The following KPNA7 variants were observed in gnomAD, a reference collection of about 807,000 sequenced individuals.
The protein encoded by KPNA7 is importin subunit alpha-8.
In KPNA7, 54 loss-of-function variants were observed where a neutral mutation model predicts 53.7. That is an observed-to-expected ratio of 1.01 (90% confidence interval 0.81 to 1.26). The LOEUF is 1.26. Ranked by LOEUF, KPNA7 falls within the 50% of genes most tolerant of loss-of-function variation. KPNA7 has a pLI of 0.00. For missense variants in KPNA7, 640 were observed against 644.5 expected (o/e 0.99, Z 0.07); for synonymous variants, 276 against 259.3 (o/e 1.06, Z -0.62).
the KPNA7 span, among the ~76,000 whole-genome samples, chr7:99,153,993 A>G: frequency 5.1e-4 from 77 of 152,184 alleles, no homozygotes; most frequent in East Asian, 0.014. Flanking sequence ...CATAATTTTT[A>G]ATAATTGTTA....
chr7:99,185,345 T>A (rs997726629), intron 7 of KPNA7, among the ~76,000 whole-genome samples, 183 bp from the exon 8 acceptor site: 6 of 152,146 alleles, frequency 3.9e-5, no homozygotes, highest in Non-Finnish European at 5.9e-5. Context: ...TTAATTTATT[T>A]TTTATTTATT....
intron 8 of KPNA7, 60 bp from the exon 9 acceptor site, chr7:99,182,125 C>G (rs1454338621): frequency 7.7e-7 from 1 of 1,293,030 alleles, no homozygotes; most frequent in East Asian, 2.6e-5. Context: ...TAGAGGACAC[C>G]AACTTGGTTC....
At chr7:99,176,312 AG>A (rs66557513) in intron 10 of KPNA7, among the ~76,000 whole-genome samples, 13,064 of 117,566 alleles carry the variant, frequency 0.11, 940 homozygotes, top group African/African-American at 0.23. Context: ...AAAAAAAAAA[AG>A]AAAGAAAGAA....
chr7:99,169,593 G>A (rs573359558), downstream of KPNA7, among the ~76,000 whole-genome samples: 1 of 152,016 alleles, frequency 6.6e-6, no homozygotes, highest in Non-Finnish European at 1.5e-5. Context: ...CTCCAGCCTG[G>A]GCGACAGAGC....
intron 4 of KPNA7, 95 bp from the exon 5 acceptor site, chr7:99,195,433 A>C: frequency 8.4e-7 from 1 of 1,197,504 alleles, no homozygotes; most frequent in Non-Finnish European, 1.2e-6. Flanking sequence ...TCACACCTGT[A>C]ATCTCAGCAC....
the KPNA7 span, among the ~76,000 whole-genome samples, chr7:99,147,425 C>T: frequency 6.6e-6 from 1 of 152,218 alleles, no homozygotes; most frequent in African/African-American, 2.4e-5. Context: ...TGGCATTTTC[C>T]AGCACCATTT....
chr7:99,185,110 G>A lies in KPNA7; in HGVS notation c.953C>T (p.Thr318Met), dbSNP rs879141354. 19 of 1,551,924 alleles carry A rather than the reference G, an allele frequency of 1.2e-5. No homozygotes were observed. The highest frequency in any genetic ancestry group is 9.8e-5 in the East Asian group (4 of 40,926). Residue 318 changes from threonine (T) to methionine (M), a missense_variant, in exon 8 of 11, where the codon ACG (threonine) becomes ATG (methionine). Coordinates refer to ENST00000327442, the MANE Select transcript of KPNA7 (RefSeq NM_001145715.3). ...GNIVTGTDEQ[T>M]QMAIDAGMLN... ...CATACCCGCATCAATGGCCATCTGC[G>A]TCTGCTCATCTGTGCCCGTGACAAT...
At chr7:99,180,698 T>TGTCTGTGTCTCTCTCTCTCTCC (rs1409151470) in intron 9 of KPNA7, among the ~76,000 whole-genome samples, 1 of 89,734 alleles carries the variant, frequency 1.1e-5, no homozygotes. Context: ...TCTGTGTCTC[T>TGTCTGTGTCTCTCTCTCTCTCC]GTCTGTGTCT....
chr7:99,193,688 G>A (rs1215269171), intron 5 of KPNA7, among the ~76,000 whole-genome samples: 6 of 151,230 alleles, frequency 4.0e-5, no homozygotes, highest in East Asian at 1.9e-4. Flanking sequence ...TTTTTGGCGG[G>A]GGAGGGGGAT....
the KPNA7 span, among the ~76,000 whole-genome samples, chr7:99,164,840 G>A: frequency 6.6e-6 from 1 of 152,200 alleles, no homozygotes; most frequent in Non-Finnish European, 1.5e-5. Context: ...GCTCACGCCT[G>A]TAATCCCAGC....
At position 99,187,365 on chromosome 7, in the gene KPNA7, T is replaced by C. The variant is rs999789651; in HGVS notation, c.900+935A>G. 2.6e-5 allele frequency among the ~76,000 whole-genome samples: 4 copies of C among 151,872 alleles called. 1 individual carries two copies. The highest frequency in any genetic ancestry group is 5.9e-5 in the Non-Finnish European group (4 of 68,002). On this transcript the variant is annotated intron_variant, in intron 7 of 10. Transcript: ENST00000327442. ...CTTTCTGCCTATATCTGAGCTAGTC[T>C]AAGAGAACAAACTGGGGAGAGGATA...
chr7:99,177,252 GGGTA>G (rs1798938872), intron 10 of KPNA7, among the ~76,000 whole-genome samples: 1 of 152,150 alleles, frequency 6.6e-6, no homozygotes, highest in Non-Finnish European at 1.5e-5. Flanking sequence ...TGTAGTTAAC[GGGTA>G]GGGAGTTTCA....
At chr7:99,172,214 T>A (rs965632931), downstream of KPNA7, among the ~76,000 whole-genome samples, 2 of 152,212 alleles carry the variant, frequency 1.3e-5, no homozygotes, top group South Asian at 4.1e-4. Context: ...CGTCTTTAGA[T>A]GTAGCATGAG....
intron 1 of KPNA7, among the ~76,000 whole-genome samples, chr7:99,214,381 T>C (rs184969442): frequency 1.3e-5 from 2 of 150,678 alleles, no homozygotes; most frequent in African/African-American, 4.9e-5. Context: ...AGGCAGAGGT[T>C]ACAGTGAGCT....
chr7:99,206,857 G>C (rs113061020), intron 2 of KPNA7, among the ~76,000 whole-genome samples: 1 of 152,176 alleles, frequency 6.6e-6, no homozygotes, highest in Non-Finnish European at 1.5e-5. Flanking sequence ...TGATTCCACA[G>C]TTGTCTGGCT....
At chr7:99,213,055 T>C (rs1395971293), upstream of KPNA7, among the ~76,000 whole-genome samples, 1 of 151,780 alleles carries the variant, frequency 6.6e-6, no homozygotes, top group Non-Finnish European at 1.5e-5. Context: ...TCTCCAAGAG[T>C]TGAGACATAG....
chr7:99,179,569 A>C (rs546611157), intron 9 of KPNA7, among the ~76,000 whole-genome samples: 1 of 150,522 alleles, frequency 6.6e-6, no homozygotes, highest in East Asian at 1.9e-4. Context: ...ATATATATAT[A>C]TATTTATATT....
At chr7:99,159,474 T>G in the KPNA7 span, among the ~76,000 whole-genome samples, 1 of 151,968 alleles carries the variant, frequency 6.6e-6, no homozygotes, top group African/African-American at 2.4e-5. Flanking sequence ...AACTTTACAT[T>G]ATGGAGAACT....
intron 9 of KPNA7, among the ~76,000 whole-genome samples, 181 bp downstream of exon 9, chr7:99,181,702 C>G (rs986899019): frequency 6.6e-6 from 1 of 152,192 alleles, no homozygotes; most frequent in Non-Finnish European, 1.5e-5. Flanking sequence ...CATGCACTAC[C>G]TTTCCCGGCT....
Sources: gnomAD v4.1 joint callset for allele counts (sites outside exome capture counted in the v4.1 genomes callset) on GRCh38, gnomAD v4.1.1 for gene constraint, MANE v1.5 for transcripts, NCBI Gene and HGNC (gene_info 2026-07-23, HGNC 2026-07-21) for gene names.